GRM1: variants seen among roughly 807,000 people sequenced by gnomAD.
The protein encoded by GRM1 is glutamate metabotropic receptor 1, also known as metabotropic glutamate receptor 1.
Under a neutral mutation model 90.9 loss-of-function variants are expected in GRM1, and 33 were observed. That is an observed-to-expected ratio of 0.36 (90% CI 0.28 to 0.49). The LOEUF (loss-of-function observed/expected upper bound fraction) is 0.49. Among genes scored for constraint, GRM1 ranks in the 20% least tolerant of loss-of-function variants. The pLI, the probability that GRM1 is intolerant of heterozygous loss-of-function variation, is 0.99. For missense variants in GRM1, 1,190 were observed against 1,534.3 expected (o/e 0.78, Z 3.75); for synonymous variants, 700 against 613.2 (o/e 1.14, Z -2.09).
At chr6:146,202,899 A>G (rs1779351289) in intron 2 of GRM1, among the ~76,000 whole-genome samples, 1 of 152,196 alleles carries the variant, frequency 6.6e-6, no homozygotes, top group Non-Finnish European at 1.5e-5. Context: ...ACTGTAAGAA[A>G]TAAATCCCTG....
intron 2 of GRM1, among the ~76,000 whole-genome samples, chr6:146,219,657 T>C (rs1779989099): frequency 6.6e-6 from 1 of 151,314 alleles, no homozygotes; most frequent in Non-Finnish European, 1.5e-5. Context: ...TTAAGTATTG[T>C]TTTGTAAAAT....
chr6:146,046,574 A>T (rs1218289541), intron 1 of GRM1, among the ~76,000 whole-genome samples: 1 of 151,950 alleles, frequency 6.6e-6, no homozygotes, highest in Non-Finnish European at 1.5e-5. Context: ...TAACCCTCAT[A>T]TTTATATCAG....
intron 3 of GRM1, among the ~76,000 whole-genome samples, chr6:146,311,540 T>C (rs557812289): frequency 2.4e-4 from 36 of 152,308 alleles, no homozygotes; most frequent in African/African-American, 8.2e-4. Context: ...TTAACACTTT[T>C]GATTGGCACT....
At chr6:146,226,088 C>T (rs193205841) in intron 2 of GRM1, among the ~76,000 whole-genome samples, 5 of 152,144 alleles carry the variant, frequency 3.3e-5, no homozygotes, top group East Asian at 3.9e-4. Context: ...TCATTTAAGC[C>T]GATCAGTAAA....
At chr6:146,140,705 A>G (rs1461617468) in intron 1 of GRM1, among the ~76,000 whole-genome samples, 2 of 152,240 alleles carry the variant, frequency 1.3e-5, no homozygotes, top group African/African-American at 2.4e-5. Context: ...GAAAACTAAT[A>G]AAAACTCTAC....
chr6:146,262,627 C>T (rs192090391), intron 2 of GRM1, among the ~76,000 whole-genome samples: 1 of 151,934 alleles, frequency 6.6e-6, no homozygotes, highest in East Asian at 1.9e-4. Context: ...ATTATATTTT[C>T]TCTGTGTATG....
At chr6:146,192,232 A>G (rs1275808418) in intron 2 of GRM1, among the ~76,000 whole-genome samples, 2 of 152,248 alleles carry the variant, frequency 1.3e-5, no homozygotes, top group East Asian at 3.8e-4. Flanking sequence ...AATATGTCAT[A>G]ACAACTATAT....
At chr6:146,414,406 T>TA (rs1554312438) in intron 7 of GRM1, among the ~76,000 whole-genome samples, 9 of 150,336 alleles carry the variant, frequency 6.0e-5, no homozygotes, top group African/African-American at 9.8e-5. Context: ...TTATTATTAT[T>TA]TTTGTTGTTG....
chr6:146,041,897 G>T (rs543077266), intron 1 of GRM1, among the ~76,000 whole-genome samples: 33 of 151,962 alleles, frequency 2.2e-4, no homozygotes, highest in African/African-American at 7.5e-4. Context: ...CACAGTTTTG[G>T]AGAAACTGGC....
intron 1 of GRM1, among the ~76,000 whole-genome samples, chr6:146,130,946 A>T (rs1400250852): frequency 6.6e-6 from 1 of 152,186 alleles, no homozygotes; most frequent in East Asian, 1.9e-4. Flanking sequence ...ACTACTGATG[A>T]TCACAGATGG....
At chr6:146,409,547 G>GTTTTGT (rs1370058759) in intron 7 of GRM1, among the ~76,000 whole-genome samples, 1 of 151,688 alleles carries the variant, frequency 6.6e-6, no homozygotes, top group Non-Finnish European at 1.5e-5. Context: ...CGAACATTAA[G>GTTTTGT]TTTTGTTTTT....
At chr6:146,113,882 G>C (rs1291826480) in intron 1 of GRM1, among the ~76,000 whole-genome samples, 1 of 152,062 alleles carries the variant, frequency 6.6e-6, no homozygotes, top group Non-Finnish European at 1.5e-5. Context: ...GGTTCTTTGG[G>C]CCACCGGTCC....
chr6:146,136,356 A>T (rs1270283819), intron 1 of GRM1, among the ~76,000 whole-genome samples: 1 of 152,172 alleles, frequency 6.6e-6, no homozygotes, highest in African/African-American at 2.4e-5. Context: ...GAGCCTCCAA[A>T]CTGCTCTCCA....
Position 146,434,609 on chromosome 6 carries a change from C to G in GRM1, c.3398C>G (p.Ala1133Gly). The G allele has an allele frequency of 6.2e-7, 1 of 1,613,146 alleles. No homozygotes were observed. The highest frequency in any genetic ancestry group is 8.5e-7 in the Non-Finnish European group (1 of 1,180,016). ...GAAGAGGAGGAGGAGGACCTGCAGGCGGCCAGCAAACTGACCCCGGATGAT... is the reference window on the plus strand; with the variant it reads ...GAAGAGGAGGAGGAGGACCTGCAGGGGGCCAGCAAACTGACCCCGGATGAT... Reference protein sequence around the residue: ...ELEEEEEDLQAASKLTPDDSP... With the variant: ...ELEEEEEDLQGASKLTPDDSP... The change falls in exon 8 of 8, where the codon GCG (alanine) becomes GGG (glycine). Residue 1133 changes from alanine to glycine, a missense_variant. Around this residue, in one of 10 missense-constraint regions of GRM1, gnomAD observed 400 missense variants for 360.8 expected, o/e 1.11. Transcript: ENST00000282753.
intron 3 of GRM1, among the ~76,000 whole-genome samples, chr6:146,312,085 T>C (rs1010074996): frequency 1.3e-5 from 2 of 152,054 alleles, no homozygotes; most frequent in African/African-American, 4.8e-5. Flanking sequence ...CTCACGCCTG[T>C]AATCCCAGCA....
At chr6:146,427,162 A>G (rs1778240427) in intron 7 of GRM1, among the ~76,000 whole-genome samples, 1 of 152,148 alleles carries the variant, frequency 6.6e-6, no homozygotes, top group South Asian at 2.1e-4. Flanking sequence ...TGGGGAGCAC[A>G]AAACAAAAGT....
At chr6:146,127,288 A>C (rs1776232647) in intron 1 of GRM1, among the ~76,000 whole-genome samples, 1 of 152,192 alleles carries the variant, frequency 6.6e-6, no homozygotes, top group African/African-American at 2.4e-5. Context: ...TATGTACCTG[A>C]AGTTTCAGGT....
At chr6:146,408,566 G>T (rs982457317) in intron 7 of GRM1, among the ~76,000 whole-genome samples, 9 of 152,048 alleles carry the variant, frequency 5.9e-5, no homozygotes, top group Admixed American at 1.3e-4. Context: ...GTATATGAAA[G>T]TTCTTATACT....
At chr6:146,402,295 T>C (rs145618332) in intron 7 of GRM1, among the ~76,000 whole-genome samples, 1 of 152,150 alleles carries the variant, frequency 6.6e-6, no homozygotes, top group Non-Finnish European at 1.5e-5. Context: ...AGGCTAACCT[T>C]CTACGGAAAA....
Sources: allele counts gnomAD v4.1 joint callset (sites outside exome capture counted in the v4.1 genomes callset), GRCh38; gene constraint gnomAD v4.1.1; regional missense constraint gnomAD v4.1.1; transcripts MANE v1.5; gene names NCBI Gene and HGNC (gene_info 2026-07-23, HGNC 2026-07-21).